The following PAX5 variants were observed in gnomAD, a reference collection of about 807,000 sequenced individuals.
The protein encoded by PAX5 is paired box 5, also known as paired box protein Pax-5.
PAX5 carries 9 observed loss-of-function variants against 43.7 expected under a neutral mutation model. That is an observed-to-expected ratio of 0.21 (90% CI 0.12 to 0.36). The LOEUF is 0.36. PAX5 is among the 10% of genes least tolerant of loss of function. PAX5 has a pLI of 1.00. For missense variants in PAX5, 383 were observed against 532.7 expected, an observed-to-expected ratio of 0.72 and a Z score of 2.77; for synonymous variants, 228 against 214.3, an observed-to-expected ratio of 1.06 and a Z score of -0.56.
At position 37,001,643 on chromosome 9, in the gene PAX5, G is replaced by T. The variant is rs200460009; in HGVS notation, c.604+1005C>A. On this transcript the variant is annotated intron_variant, in intron 5 of 9. Coordinates refer to ENST00000358127, the MANE Select transcript of PAX5 (RefSeq NM_016734.3). ...CACGCAGACCACAGGCCAATCCACG[G>T]CTGGGCCGACTCAATTTTCTAGTTA... Among the ~76,000 whole-genome samples, 12 of 152,248 alleles carry T rather than the reference G, an allele frequency of 7.9e-5. No homozygotes were observed. In the East Asian group the frequency reaches 2.1e-3, roughly 27 times the overall value.
intron 1 of PAX5, among the ~76,000 whole-genome samples, chr9:37,026,336 G>T (rs1286935648): frequency 1.3e-5 from 2 of 152,268 alleles, no homozygotes; most frequent in African/African-American, 4.8e-5. Context: ...CCGGAGGCGG[G>T]ATTCCCAGGT....
Position 36,846,929 on chromosome 9 carries a change from C to T in PAX5, c.1013G>A (p.Gly338Glu), listed in dbSNP as rs1165827105. 2.2e-5 allele frequency: 35 copies of T among 1,608,084 alleles called. No individual in the cohort carries two copies. The highest frequency in any genetic ancestry group is 2.9e-5 in the Non-Finnish European group (34 of 1,174,622). Residue 338 changes from glycine to glutamate, a missense_variant and splice_region_variant, in exon 9 of 10, where the codon GGG (glycine) becomes GAG (glutamate). Physicochemically the swap from Gly to Glu is moderately conservative, Grantham distance 98 (BLOSUM62 -2). Coordinates refer to ENST00000358127, the MANE Select transcript of PAX5 (RefSeq NM_016734.3). ...GTAGGGACTCCCGGAAAACTCACTC[C>T]CTGTGTATGGTGGGTGGAGAGAGAA... The part of the protein sequence containing the change: ...SAPTLTGMVP[G>E]SEFSGSPYSH...
intron 8 of PAX5, among the ~76,000 whole-genome samples, chr9:36,872,029 G>T (rs2131711132): frequency 6.6e-6 from 1 of 152,352 alleles, no homozygotes; most frequent in Admixed American, 6.5e-5. Flanking sequence ...TGGAACAAAT[G>T]ATGGTGATCT....
chr9:36,924,852 A>AGAGACGGAGGGAGGGAAGGG (rs1830524818), intron 6 of PAX5, among the ~76,000 whole-genome samples: 3 of 146,794 alleles, frequency 2.0e-5, no homozygotes, highest in African/African-American at 5.1e-5. Context: ...GGAGGGAGGG[A>AGAGACGGAGGGAGGGAAGGG]GGAGGGAATT....
At chr9:37,032,258 A>T (rs1841056153) in intron 1 of PAX5, among the ~76,000 whole-genome samples, 1 of 152,112 alleles carries the variant, frequency 6.6e-6, no homozygotes. Context: ...GAGCCCATCG[A>T]CCGCCATGAA....
intron 6 of PAX5, among the ~76,000 whole-genome samples, chr9:36,953,034 T>C (rs994905453): frequency 6.6e-6 from 1 of 152,232 alleles, no homozygotes; most frequent in Non-Finnish European, 1.5e-5. Context: ...AGTCTGCTGG[T>C]GATGAATTTC....
rs1587822890 is a variant in PAX5 at position 36,869,919 on chromosome 9, GATGGATGGATGGATGGATAA to G, written c.1012+12065_1012+12084del. ...AAATGGATGGATGGATGGATGGATGGATGGATGGATGGATGGATAAATGGATGGATGGATGGATGGATAAA... is the reference window on the plus strand; with the variant it reads ...AAATGGATGGATGGATGGATGGATGGATGGATGGATGGATGGATGGATAAA... On this transcript the variant is annotated intron_variant, in intron 8 of 9. Transcript: ENST00000358127. Among the ~76,000 whole-genome samples the G allele has an allele frequency of 2.5e-3, 361 of 141,780 alleles. 1 individual carries two copies. The highest frequency in any genetic ancestry group is 3.7e-3 in the Middle Eastern group (1 of 268). 93.0% of individuals were successfully genotyped at this position (141,780 alleles called of 152,430 possible). A position where few individuals can be genotyped will look rare whatever the true frequency, so the allele number is the denominator to read the frequency against.
chr9:36,889,951 G>GT (rs1202294101), intron 7 of PAX5, among the ~76,000 whole-genome samples: 3 of 139,226 alleles, frequency 2.2e-5, no homozygotes, highest in Non-Finnish European at 4.7e-5. Context: ...CGGGGGGGGG[G>GT]GGAATGTGAA....
At chr9:36,913,839 G>A (rs916880628) in intron 7 of PAX5, among the ~76,000 whole-genome samples, 8 of 152,116 alleles carry the variant, frequency 5.3e-5, no homozygotes, top group African/African-American at 1.9e-4. Context: ...ACAGCACTCT[G>A]GGCTTTGTGG....
At chr9:36,887,145 T>C (rs1470384551) in intron 7 of PAX5, among the ~76,000 whole-genome samples, 1 of 152,218 alleles carries the variant, frequency 6.6e-6, no homozygotes, top group Admixed American at 6.5e-5. Context: ...AATGCTATTA[T>C]TGTAGGATTA....
At chr9:36,871,398 G>A (rs183958787) in intron 8 of PAX5, among the ~76,000 whole-genome samples, 20 of 152,284 alleles carry the variant, frequency 1.3e-4, no homozygotes, top group Admixed American at 7.2e-4. Flanking sequence ...GGCTGTGTAC[G>A]TCCAGGCTCC....
intron 5 of PAX5, among the ~76,000 whole-genome samples, chr9:36,977,489 G>A (rs1196635555): frequency 6.6e-6 from 1 of 151,986 alleles, no homozygotes; most frequent in Non-Finnish European, 1.5e-5. Flanking sequence ...GCCCCCTGTA[G>A]CCCGAGTCTT....
At chr9:36,863,526 A>C (rs1824439866) in intron 8 of PAX5, among the ~76,000 whole-genome samples, 1 of 152,234 alleles carries the variant, frequency 6.6e-6, no homozygotes, top group South Asian at 2.1e-4. Context: ...CCAATGCAGA[A>C]GCCGAGGCCC....
intron 6 of PAX5, among the ~76,000 whole-genome samples, chr9:36,950,220 A>G (rs1338003155): frequency 6.6e-6 from 1 of 152,196 alleles, no homozygotes; most frequent in African/African-American, 2.4e-5. Context: ...AACATCACCA[A>G]TTCTGTTGCC....
intron 6 of PAX5, among the ~76,000 whole-genome samples, chr9:36,932,033 G>T (rs151152627): frequency 2.0e-5 from 3 of 151,748 alleles, no homozygotes; most frequent in Non-Finnish European, 2.9e-5. Context: ...CCAGCATTTT[G>T]GGAGGCTGAG....
chr9:36,910,706 G>A lies in PAX5; in HGVS notation c.910+12649C>T, dbSNP rs1332819918. On this transcript the variant is annotated intron_variant, in intron 7 of 9. Transcript: ENST00000358127. The stretch of plus-strand genomic sequence containing the variant: ...TCACTTCAACTGAGAACAGCTTTGG[G>A]TAAATACCGCTGGAAGAGACTTCGC... Among the ~76,000 whole-genome samples, 3 of 152,148 alleles carry A rather than the reference G, an allele frequency of 2.0e-5. No individual in the cohort carries two copies. The East Asian group carries it at 5.8e-4, about 29-fold the overall frequency.
intron 3 of PAX5, among the ~76,000 whole-genome samples, chr9:37,009,435 T>TC (rs1034030481): frequency 3.3e-5 from 5 of 152,240 alleles, no homozygotes; most frequent in African/African-American, 7.2e-5. Flanking sequence ...TACTAGGTGC[T>TC]CCTTAAATGT....
At chr9:36,954,088 T>C (rs1329187577) in intron 6 of PAX5, among the ~76,000 whole-genome samples, 1 of 152,114 alleles carries the variant, frequency 6.6e-6, no homozygotes, top group Non-Finnish European at 1.5e-5. Context: ...AAAAAATATA[T>C]ACCTATCTAA....
At chr9:36,948,252 G>C (rs190712951) in intron 6 of PAX5, among the ~76,000 whole-genome samples, 19 of 152,322 alleles carry the variant, frequency 1.2e-4, no homozygotes, top group African/African-American at 4.3e-4. Flanking sequence ...GGCCAGCACA[G>C]GTGCAGCCCG....
Sources: allele counts gnomAD v4.1 joint callset (sites outside exome capture counted in the v4.1 genomes callset), GRCh38; gene constraint gnomAD v4.1.1; transcripts MANE v1.5; gene names NCBI Gene and HGNC (gene_info 2026-07-23, HGNC 2026-07-21).